ARHGEF38: variants seen among roughly 807,000 people sequenced by gnomAD.
ARHGEF38 encodes Rho guanine nucleotide exchange factor 38, also known as Rho guanine nucleotide exchange factor (GEF) 38.
A neutral mutation model predicts 79.9 loss-of-function variants in ARHGEF38; 79 were observed. The observed-to-expected ratio is 0.99, with a 90% CI of 0.82 to 1.19. The LOEUF (loss-of-function observed/expected upper bound fraction) is 1.19, where lower values mean the gene tolerates loss of function less well. Among genes scored for constraint, ARHGEF38 ranks in the 50% most tolerant of loss-of-function variants. The pLI, the probability that ARHGEF38 is intolerant of heterozygous loss-of-function variation, is 0.00. For missense variants in ARHGEF38, 962 were observed against 907.2 expected (o/e 1.06, Z -0.78); for synonymous variants, 366 against 328.3 (o/e 1.11, Z -1.24).
At chr4:105,566,024 G>T (rs1725868645) in intron 1 of ARHGEF38, among the ~76,000 whole-genome samples, 1 of 152,100 alleles carries the variant, frequency 6.6e-6, no homozygotes, top group South Asian at 2.1e-4. Flanking sequence ...CTACCCACAG[G>T]CTTCCTCCTC....
intron 2 of ARHGEF38, among the ~76,000 whole-genome samples, chr4:105,601,537 A>G (rs927653696): frequency 6.6e-6 from 1 of 152,144 alleles, no homozygotes; most frequent in Non-Finnish European, 1.5e-5. Flanking sequence ...TCTGTGGCCA[A>G]ATAGGGCTCA....
rs759096303 is a variant in ARHGEF38, at chr4:105,645,292, C to A, written c.779C>A (p.Pro260His). ...TGCGAACTTCGGAATTCCACCCCTC[C>A]CTCTCACCCAGATTACAGAGCACTG... ...LLCELRNSTPPSHPDYRALDD... is the reference protein window; with the variant it reads ...LLCELRNSTPHSHPDYRALDD... The change falls in exon 6 of 14, where the codon CCC becomes CAC. Residue 260 changes from proline to histidine, a missense_variant. By Grantham distance (77) the Pro-to-His change is moderately conservative. Coordinates refer to ENST00000420470, the MANE Select transcript of ARHGEF38 (RefSeq NM_001242729.2). The A allele has an allele frequency of 2.0e-6, 3 of 1,536,588 alleles. No homozygotes were observed. Among genetic ancestry groups the A allele is most frequent in the Non-Finnish European group, 2.6e-6 (3 of 1,146,982 alleles).
At chr4:105,589,093 T>C (rs180703289) in intron 1 of ARHGEF38, among the ~76,000 whole-genome samples, 155 bp from the exon 2 acceptor site, 197 of 152,354 alleles carry the variant, frequency 1.3e-3, no homozygotes, top group Non-Finnish European at 2.5e-3. Context: ...TATAGTTTTG[T>C]AGGGGAATGT....
chr4:105,645,482 G>T, intron 6 of ARHGEF38, 95 bp downstream of exon 6: 1 of 1,025,310 alleles, frequency 9.8e-7, no homozygotes, highest in East Asian at 2.7e-5. Context: ...TATAGCAGCT[G>T]CAGTGAACTG....
At chr4:105,654,759 T>G (rs1730253556) in intron 8 of ARHGEF38, among the ~76,000 whole-genome samples, 1 of 152,094 alleles carries the variant, frequency 6.6e-6, no homozygotes, top group Non-Finnish European at 1.5e-5. Context: ...AGTCAGAGGT[T>G]TTTTCTAATC....
intron 1 of ARHGEF38, among the ~76,000 whole-genome samples, chr4:105,565,414 T>C (rs1725838696): frequency 6.6e-6 from 1 of 152,210 alleles, no homozygotes; most frequent in South Asian, 2.1e-4. Context: ...AAACGTATGT[T>C]GGTAGGGCTC....
intron 3 of ARHGEF38, among the ~76,000 whole-genome samples, chr4:105,620,293 A>T (rs1409573698): frequency 6.6e-6 from 1 of 152,160 alleles, no homozygotes; most frequent in East Asian, 1.9e-4. Context: ...CTTGGGTTAC[A>T]TCTCGTTTTG....
intron 2 of ARHGEF38, among the ~76,000 whole-genome samples, chr4:105,589,854 A>C (rs1727239588): frequency 6.6e-6 from 1 of 152,062 alleles, no homozygotes; most frequent in Non-Finnish European, 1.5e-5. Context: ...CAACATGGTG[A>C]AACCTCATCT....
At chr4:105,659,405 A>C in intron 10 of ARHGEF38, 40 bp downstream of exon 10, 1 of 1,505,102 alleles carries the variant, frequency 6.6e-7, no homozygotes, top group Non-Finnish European at 8.8e-7. Context: ...ACCTTGGCCT[A>C]CTGGATCTGC....
chr4:105,644,299 C>T (rs1347304219), intron 5 of ARHGEF38, among the ~76,000 whole-genome samples: 1 of 152,126 alleles, frequency 6.6e-6, no homozygotes, highest in Non-Finnish European at 1.5e-5. Flanking sequence ...ATAAAACATC[C>T]ACCTATTGGG....
intron 2 of ARHGEF38, among the ~76,000 whole-genome samples, chr4:105,592,588 GA>G (rs1727391011): frequency 6.6e-6 from 1 of 152,090 alleles, no homozygotes; most frequent in African/African-American, 2.4e-5. Flanking sequence ...TTACTCGAGT[GA>G]AGTTCAATTT....
chr4:105,605,609 A>G (rs539087431), intron 2 of ARHGEF38, among the ~76,000 whole-genome samples: 1 of 152,298 alleles, frequency 6.6e-6, no homozygotes, highest in South Asian at 2.1e-4. Flanking sequence ...GTTTGACTCA[A>G]TTAGCCAGTT....
chr4:105,677,968 C>G lies in ARHGEF38; in HGVS notation c.*31C>G. 6.8e-7 allele frequency: 1 copy of G among 1,465,168 alleles called. No individual in the cohort carries two copies. The highest frequency in any genetic ancestry group is 1.4e-5 in the South Asian group (1 of 74,050). The allele number at this position is 1,465,168 out of a possible 1,614,324, so 90.8% of individuals were successfully genotyped here. On this transcript the variant is annotated 3_prime_UTR_variant, in exon 14 of 14. Coordinates refer to ENST00000420470, the MANE Select transcript of ARHGEF38 (RefSeq NM_001242729.2). ...TAAGCCTTCAACTTTTATTTTCCAG[C>G]AAGTTGTTGATTGACTACCTCATAA...
intron 1 of ARHGEF38, among the ~76,000 whole-genome samples, chr4:105,558,747 T>G (rs901589216): frequency 6.6e-6 from 1 of 152,148 alleles, no homozygotes; most frequent in African/African-American, 2.4e-5. Flanking sequence ...GCAAATTTAT[T>G]CCTATGTTTG....
At chr4:105,641,215 A>C (rs1317301806) in intron 5 of ARHGEF38, among the ~76,000 whole-genome samples, 1 of 152,092 alleles carries the variant, frequency 6.6e-6, no homozygotes, top group Non-Finnish European at 1.5e-5. Flanking sequence ...ACTTGTAAGA[A>C]TTAGACACTT....
chr4:105,663,532 T>C (rs549157100), intron 10 of ARHGEF38, among the ~76,000 whole-genome samples: 1 of 152,344 alleles, frequency 6.6e-6, no homozygotes, highest in Non-Finnish European at 1.5e-5. Context: ...CTACTTTAAA[T>C]ACCTCATGTA....
Position 105,679,388 on chromosome 4 carries a change from C to CA in ARHGEF38, c.*1452dup. 1 of 1,354,002 alleles carries CA rather than the reference C, an allele frequency of 7.4e-7. No homozygotes were observed. The highest frequency in any genetic ancestry group is 1.2e-5 in the South Asian group (1 of 85,558). The allele number at this position is 1,354,002 out of a possible 1,614,324, so 83.9% of individuals were successfully genotyped here. ...GGAGGCACACTCTGGTAATCTGAGA[C>CA]ACTGCATTACTATTCAGCTTTCTAA... On this transcript the variant is annotated 3_prime_UTR_variant, in exon 14 of 14. Transcript: ENST00000420470.
chr4:105,659,886 T>TGTGTGTGTGCGTGTGTGTGTGC (rs35842406), intron 10 of ARHGEF38, among the ~76,000 whole-genome samples: 1 of 150,522 alleles, frequency 6.6e-6, no homozygotes, highest in African/African-American at 2.5e-5. Flanking sequence ...TGTGTGTGTG[T>TGTGTGTGTGCGTGTGTGTGTGC]GTAGCTTCGC....
Position 105,552,953 on chromosome 4 carries a change from A to C in ARHGEF38, c.188A>C (p.Lys63Thr). 8 of 1,606,550 alleles carry C rather than the reference A, an allele frequency of 5.0e-6. No individual in the cohort carries two copies. Among genetic ancestry groups the C allele is most frequent in the Non-Finnish European group, 6.8e-6 (8 of 1,177,628 alleles). ...SQSDRTEYNQ[K>T]LQEKMTPQGE... is the part of the protein sequence containing the mutation. ...TCTGACAGGACCGAATACAACCAGA[A>C]ATTACAAGGTAACCAAAAAGAAATC... Residue 63 changes from lysine to threonine, a missense_variant, in exon 1 of 14, where the codon AAA (lysine) becomes ACA (threonine). Coordinates refer to ENST00000420470, the MANE Select transcript of ARHGEF38 (RefSeq NM_001242729.2).
Sources: allele counts gnomAD v4.1 joint callset (sites outside exome capture counted in the v4.1 genomes callset), GRCh38; gene constraint gnomAD v4.1.1; transcripts MANE v1.5; gene names NCBI Gene and HGNC (gene_info 2026-07-23, HGNC 2026-07-21).